Variants in LTBP1 observed in about 807,000 individuals in gnomAD.
LTBP1 encodes latent transforming growth factor beta binding protein 1, also known as latent-transforming growth factor beta-binding protein 1.
A neutral mutation model predicts 207.6 loss-of-function variants in LTBP1; 129 were observed. The ratio of observed to expected loss-of-function variants is 0.62; its 90% CI spans 0.54 to 0.72. The LOEUF (loss-of-function observed/expected upper bound fraction) is 0.72. LTBP1 is among the 30% of genes least tolerant of loss of function. The pLI is 0.00. For missense variants in LTBP1, 2,281 were observed against 2,217.2 expected (o/e 1.03, Z -0.58); for synonymous variants, 963 against 833.7 (o/e 1.16, Z -2.67).
chr2:33,329,313 T>C (rs1047361707), intron 24 of LTBP1, among the ~76,000 whole-genome samples: 6 of 152,210 alleles, frequency 3.9e-5, no homozygotes, highest in African/African-American at 1.2e-4. Context: ...GTTTCTGTTA[T>C]CTAATTCTGC....
intron 3 of LTBP1, among the ~76,000 whole-genome samples, chr2:33,037,008 C>A (rs1263566600): frequency 6.6e-6 from 1 of 152,044 alleles, no homozygotes; most frequent in Non-Finnish European, 1.5e-5. Context: ...GGATCCATTT[C>A]TATCTCATTG....
At chr2:32,974,423 G>A (rs538766534) in intron 2 of LTBP1, among the ~76,000 whole-genome samples, 2 of 152,130 alleles carry the variant, frequency 1.3e-5, no homozygotes, top group African/African-American at 2.4e-5. Context: ...GCCCATTTTC[G>A]ATGGGATTAT....
chr2:33,064,088 C>T (rs1171314780), intron 3 of LTBP1, among the ~76,000 whole-genome samples: 3 of 152,164 alleles, frequency 2.0e-5, no homozygotes, highest in Non-Finnish European at 4.4e-5. Context: ...CTCCTGACCT[C>T]ATGATTTACC....
At chr2:33,085,773 C>T (rs2078716782) in intron 3 of LTBP1, among the ~76,000 whole-genome samples, 2 of 152,192 alleles carry the variant, frequency 1.3e-5, no homozygotes, top group South Asian at 4.1e-4. Flanking sequence ...AGCTATGTTG[C>T]TGGGTTGGGA....
At chr2:33,182,687 G>GATATATATAT (rs201059639) in intron 5 of LTBP1, among the ~76,000 whole-genome samples, 1 of 67,006 alleles carries the variant, frequency 1.5e-5, no homozygotes, top group African/African-American at 5.9e-5. Flanking sequence ...AAAAGATGGT[G>GATATATATAT]ATATATATAT....
At chr2:33,100,533 A>T (rs1025683362) in intron 3 of LTBP1, among the ~76,000 whole-genome samples, 6 of 151,974 alleles carry the variant, frequency 3.9e-5, no homozygotes, top group Non-Finnish European at 5.9e-5. Context: ...GTTTTAAAAA[A>T]TTTTTGTAAA....
chr2:32,961,215 C>T (rs1679053491), intron 2 of LTBP1, among the ~76,000 whole-genome samples: 1 of 152,180 alleles, frequency 6.6e-6, no homozygotes, highest in African/African-American at 2.4e-5. Context: ...CTGCCTGGTG[C>T]CCAGATTGCC....
chr2:33,313,787 G>T (rs1289287757), intron 23 of LTBP1, among the ~76,000 whole-genome samples: 1 of 152,180 alleles, frequency 6.6e-6, no homozygotes, highest in Non-Finnish European at 1.5e-5. Context: ...ACCCTGCAAT[G>T]TACCCAATAG....
intron 24 of LTBP1, among the ~76,000 whole-genome samples, chr2:33,322,442 AT>A (rs1417527789): frequency 6.6e-6 from 1 of 152,246 alleles, no homozygotes; most frequent in African/African-American, 2.4e-5. Flanking sequence ...TCATACACAT[AT>A]TCCAGAAACA....
At chr2:33,369,853 T>C (rs2095046210) in intron 31 of LTBP1, among the ~76,000 whole-genome samples, 1 of 152,240 alleles carries the variant, frequency 6.6e-6, no homozygotes, top group Non-Finnish European at 1.5e-5. Flanking sequence ...CTATGATTAG[T>C]TGGCATTCCC....
Position 33,397,177 on chromosome 2 carries a change from A to C in LTBP1, c.4879A>C (p.Ile1627Leu). 6.2e-7 allele frequency: 1 copy of C among 1,614,178 alleles called. No individual in the cohort carries two copies. The highest frequency in any genetic ancestry group is 8.5e-7 in the Non-Finnish European group (1 of 1,180,004). ...GGAGTTACAGGCTGAGGAATGCGGC[A>C]TCCTCAATGGATGTGAAAATGGTCG... ...FEELQAEECG[I>L]LNGCENGRCV... Residue 1627 changes from isoleucine to leucine, a missense_variant, in exon 33 of 34, where the codon ATC becomes CTC. By Grantham distance (5) the Ile-to-Leu change is conservative. This residue lies in a region of LTBP1 where 1,671 missense variants were observed against 1,634.8 expected (regional missense o/e 1.02). Transcript: ENST00000404816.
chr2:33,341,729 A>AAATATATATATATATAT lies in LTBP1; in HGVS notation c.3731-1108_3731-1107insATATATATATATATATA, dbSNP rs745445793. 4.0e-4 allele frequency among the ~76,000 whole-genome samples: 37 copies of AAATATATATATATATAT among 93,616 alleles called. No individual in the cohort carries two copies. In the East Asian group the frequency reaches 6.2e-3, roughly 16 times the overall value. 61.4% of individuals were successfully genotyped at this position (93,616 alleles called of 152,430 possible). On this transcript the variant is annotated intron_variant, in intron 24 of 33. Coordinates refer to ENST00000404816, the MANE Select transcript of LTBP1 (RefSeq NM_206943.4). ...CCGTCTCACTCAAAAAAAAAAAAAA[A>AAATATATATATATATAT]ATATATATATATATATGTATATTTA...
intron 5 of LTBP1, among the ~76,000 whole-genome samples, chr2:33,170,336 C>T (rs575788996): frequency 3.5e-4 from 53 of 151,860 alleles, no homozygotes; most frequent in South Asian, 3.1e-3. Context: ...TAAAAAACGG[C>T]GCACCACGAG....
rs2080105102 is a variant in LTBP1 at position 33,107,081 on chromosome 2, A to T, written c.864-3501A>T. 4.6e-5 allele frequency among the ~76,000 whole-genome samples: 7 copies of T among 152,338 alleles called. No individual in the cohort carries two copies. In the South Asian group the frequency reaches 1.4e-3, roughly 32 times the overall value. ...TACTTGAACTACCGGGTTGTAACCC[A>T]TTAGAGAACTCATGAAGTCATGAAA... On this transcript the variant is annotated intron_variant, in intron 3 of 33. Transcript: ENST00000404816.
chr2:33,228,697 CTT>C (rs1244221993), intron 9 of LTBP1, among the ~76,000 whole-genome samples: 4 of 99,058 alleles, frequency 4.0e-5, no homozygotes, highest in African/African-American at 1.2e-4. Flanking sequence ...GGGTTATACC[CTT>C]TTTTTTTTTT....
chr2:33,153,774 G>A (rs758604228), intron 5 of LTBP1, among the ~76,000 whole-genome samples: 1 of 152,044 alleles, frequency 6.6e-6, no homozygotes, highest in Admixed American at 6.5e-5. Flanking sequence ...TCTTCACATG[G>A]AATTAAAGAA....
rs2082108709 is a variant in LTBP1 at position 33,135,913 on chromosome 2, G to T, written c.1201+953G>T. Among the ~76,000 whole-genome samples the T allele has an allele frequency of 2.0e-5, 3 of 152,174 alleles. No individual in the cohort carries two copies. In the South Asian group the frequency reaches 6.2e-4, roughly 32 times the overall value. Reference sequence around the variant, plus strand: ...AAATGTCAGACAGATAATAACACTGGCTAGATCTGGTCTTTTTATGGAATA... The same window carrying T: ...AAATGTCAGACAGATAATAACACTGTCTAGATCTGGTCTTTTTATGGAATA... On this transcript the variant is annotated intron_variant, in intron 5 of 33. Coordinates refer to ENST00000404816, the MANE Select transcript of LTBP1 (RefSeq NM_206943.4).
chr2:33,135,010 A>G, intron 5 of LTBP1, 50 bp downstream of exon 5: 11 of 1,511,250 alleles, frequency 7.3e-6, no homozygotes, highest in Non-Finnish European at 9.8e-6. Flanking sequence ...GAGTTTTATG[A>G]GATTGTAGCA....
chr2:32,991,827 T>C (rs1425687014), intron 2 of LTBP1, among the ~76,000 whole-genome samples: 2 of 152,196 alleles, frequency 1.3e-5, no homozygotes, highest in East Asian at 3.9e-4. Flanking sequence ...TGAATCTTTG[T>C]AGGGACAAAA....
Sources: allele counts gnomAD v4.1 joint callset (sites outside exome capture counted in the v4.1 genomes callset), GRCh38; gene constraint gnomAD v4.1.1; regional missense constraint gnomAD v4.1.1; transcripts MANE v1.5; gene names NCBI Gene and HGNC (gene_info 2026-07-23, HGNC 2026-07-21).